VPS37B: variants seen among roughly 807,000 people sequenced by gnomAD.
VPS37B encodes the protein VPS37B subunit of ESCRT-I, also known as vacuolar protein sorting-associated protein 37B.
In VPS37B, 11 loss-of-function variants were observed where a neutral mutation model predicts 21.2. The observed-to-expected ratio is 0.52, with a 90% CI of 0.33 to 0.86. The LOEUF is 0.86. Among genes scored for constraint, VPS37B ranks in the 40% least tolerant of loss-of-function variants. The pLI is 0.03. For missense variants in VPS37B, 389 were observed against 374.8 expected, an observed-to-expected ratio of 1.04 and a Z score of -0.31; for synonymous variants, 175 against 159.6, an observed-to-expected ratio of 1.10 and a Z score of -0.73.
Position 122,867,594 on chromosome 12 carries a change from T to C in VPS37B, c.380A>G (p.Lys127Arg). 3.7e-6 allele frequency: 6 copies of C among 1,613,160 alleles called. No individual in the cohort carries two copies. The highest frequency in any genetic ancestry group is 5.1e-6 in the Non-Finnish European group (6 of 1,180,004). Residue 127 changes from lysine (K) to arginine (R), a missense_variant, in exon 4 of 4, where the codon AAG becomes AGG. Transcript: ENST00000267202. The surrounding 1 kb of genome is among the most constrained non-coding windows in gnomAD (Gnocchi z 5.5). ...IEEDTENMAE[K>R]FLDGELPLDS... ...CAGAGGAAGTTCTCCATCCAGAAAC[T>C]TCTCTGCCATGTTCTGAAAGAGGCA...
intron 1 of VPS37B, chr12:122,873,163 TTC>T (rs2034071317): frequency 6.6e-6 from 1 of 152,200 alleles, no homozygotes; most frequent in South Asian, 2.1e-4. Flanking sequence ...CGTCCTGATG[TTC>T]TGTGTCCTGG....
chr12:122,873,186 G>A (rs997830343), intron 1 of VPS37B: 5 of 152,204 alleles, frequency 3.3e-5, no homozygotes, highest in Admixed American at 1.3e-4. Flanking sequence ...CAGTATCAGT[G>A]CCCCGATCCT....
chr12:122,894,577 G>A (rs1372184532), intron 1 of VPS37B, among the ~76,000 whole-genome samples: 1 of 152,214 alleles, frequency 6.6e-6, no homozygotes, highest in African/African-American at 2.4e-5. Flanking sequence ...TGTAGGCGTG[G>A]GAAGGCTCAG....
At chr12:122,888,879 TCCAGAACC>T in intron 1 of VPS37B, 1 of 276,892 alleles carries the variant, frequency 3.6e-6, no homozygotes, top group Non-Finnish European at 7.3e-6. Context: ...CACCCTGAGC[TCCAGAACC>T]ACACTCCAAC....
intron 1 of VPS37B, chr12:122,887,945 C>T (rs576099789): frequency 2.6e-5 from 4 of 152,354 alleles, no homozygotes; most frequent in African/African-American, 9.6e-5. Flanking sequence ...CTCAAGAGAT[C>T]CTCCCACCTC....
At chr12:122,891,130 AG>A (rs1342097207) in intron 1 of VPS37B, among the ~76,000 whole-genome samples, 1 of 152,236 alleles carries the variant, frequency 6.6e-6, no homozygotes, top group African/African-American at 2.4e-5. Flanking sequence ...ACAATTAAAA[AG>A]ACTAAATACT....
intron 1 of VPS37B, among the ~76,000 whole-genome samples, chr12:122,892,088 G>A (rs2034420997): frequency 6.6e-6 from 1 of 152,114 alleles, no homozygotes; most frequent in Non-Finnish European, 1.5e-5. Flanking sequence ...AAGTCCAATG[G>A]GGTTAATGTT....
chr12:122,893,649 T>C (rs1263986931), intron 1 of VPS37B, among the ~76,000 whole-genome samples: 2 of 152,130 alleles, frequency 1.3e-5, no homozygotes, highest in African/African-American at 2.4e-5. Flanking sequence ...TGATCCTCGC[T>C]AGGTGAGCTA....
At chr12:122,877,184 G>T (rs117275454) in intron 1 of VPS37B, 1 of 152,220 alleles carries the variant, frequency 6.6e-6, no homozygotes, top group Non-Finnish European at 1.5e-5. Context: ...GACTGAATTC[G>T]TTTAGCAAAC....
At chr12:122,872,627 A>G (rs141212260) in intron 1 of VPS37B, 476 of 985,408 alleles carry the variant, frequency 4.8e-4, no homozygotes, top group Non-Finnish European at 5.4e-4. Context: ...TGGGCTTTCT[A>G]TGCCAGGCCA....
intron 1 of VPS37B, chr12:122,874,047 G>A (rs2034094836): frequency 6.6e-6 from 1 of 152,254 alleles, no homozygotes; most frequent in Non-Finnish European, 1.5e-5. Context: ...GCTCCCATCA[G>A]AAAGTCACTA....
chr12:122,885,850 A>G (rs1593921887), intron 1 of VPS37B: 1 of 149,580 alleles, frequency 6.7e-6, no homozygotes, highest in East Asian at 1.9e-4. Flanking sequence ...CGCCCGGCTA[A>G]TTTTTTGTAT....
intron 1 of VPS37B, among the ~76,000 whole-genome samples, chr12:122,890,337 CTTT>C (rs1169226130): frequency 1.4e-5 from 2 of 141,314 alleles, no homozygotes; most frequent in Middle Eastern, 3.7e-3. Context: ...TCACACGTGG[CTTT>C]TTTTTTTTTT....
chr12:122,865,442 A>C lies in VPS37B; in HGVS notation c.*1674T>G, dbSNP rs1211352856. 2.6e-5 allele frequency: 4 copies of C among 152,282 alleles called. No homozygotes were observed. Among genetic ancestry groups the C allele is most frequent in the African/African-American group, 9.6e-5 (4 of 41,470 alleles). The allele number at this position is 152,282 out of a possible 1,614,324, so 9.4% of individuals were successfully genotyped here. On this transcript the variant is annotated 3_prime_UTR_variant, in exon 4 of 4. Transcript: ENST00000267202. ...CGGCCAGGGGCCGCTTTGCAACTTC[A>C]ATGCCAAGCTCACGTCTGGCTGCGA...
intron 1 of VPS37B, chr12:122,885,078 C>A (rs923394052): frequency 6.6e-6 from 1 of 151,844 alleles, no homozygotes; most frequent in Admixed American, 6.6e-5. Flanking sequence ...TGAGAAAATG[C>A]TATTCTAATA....
At chr12:122,871,540 C>T (rs2034034681) in intron 1 of VPS37B, 2 of 985,940 alleles carry the variant, frequency 2.0e-6, no homozygotes, top group Non-Finnish European at 2.4e-6. Flanking sequence ...AACCAGCAAG[C>T]TGAAGAGACC....
intron 1 of VPS37B, chr12:122,877,697 G>A (rs2034176180): frequency 6.6e-6 from 1 of 152,308 alleles, no homozygotes; most frequent in East Asian, 1.9e-4. Context: ...TCTTAGCAAC[G>A]GAACCTTTTC....
intron 1 of VPS37B, chr12:122,878,535 T>C (rs2135705127): frequency 6.6e-6 from 1 of 151,778 alleles, no homozygotes; most frequent in South Asian, 2.1e-4. Context: ...AGAACCTACA[T>C]TTATTGGAAA....
At chr12:122,890,797 C>T (rs1367880084) in intron 1 of VPS37B, among the ~76,000 whole-genome samples, 2 of 152,206 alleles carry the variant, frequency 1.3e-5, no homozygotes, top group African/African-American at 2.4e-5. Context: ...TCTTCCCTAA[C>T]AAACTCCCTA....
Sources: allele counts gnomAD v4.1 joint callset (sites outside exome capture counted in the v4.1 genomes callset), GRCh38; gene constraint gnomAD v4.1.1; non-coding constraint Gnocchi (gnomAD v3.1); transcripts MANE v1.5; gene names NCBI Gene and HGNC (gene_info 2026-07-23, HGNC 2026-07-21).